The following PDE4D variants were observed in gnomAD, a reference collection of about 807,000 sequenced individuals.
The protein encoded by PDE4D is phosphodiesterase 4D, also known as 3',5'-cyclic-AMP phosphodiesterase 4D.
PDE4D carries 24 observed loss-of-function variants against 87.4 expected under a neutral mutation model. The ratio of observed to expected loss-of-function variants is 0.27; its 90% confidence interval spans 0.20 to 0.39. PDE4D has a LOEUF of 0.39. Ranked by LOEUF, PDE4D falls within the 10% of genes least tolerant of loss-of-function variation. The pLI is 1.00. For synonymous variants in PDE4D, 384 were observed against 383.2 expected, an observed-to-expected ratio of 1.00 and a Z score of -0.02; for missense variants, 714 against 1,041.0, an observed-to-expected ratio of 0.69 and a Z score of 4.32.
intron 6 of PDE4D, among the ~76,000 whole-genome samples, chr5:59,032,020 T>C (rs1161829379): frequency 6.6e-6 from 1 of 151,812 alleles, no homozygotes; most frequent in African/African-American, 2.4e-5. Context: ...TAGTGATCTA[T>C]TGCACTGCAT....
intron 1 of PDE4D, among the ~76,000 whole-genome samples, chr5:60,437,388 G>A (rs1476869580): frequency 6.6e-6 from 1 of 152,092 alleles, no homozygotes; most frequent in Non-Finnish European, 1.5e-5. Flanking sequence ...AATATATAAT[G>A]TACTGAGCAA....
intron 2 of PDE4D, among the ~76,000 whole-genome samples, chr5:60,104,586 C>T (rs940604255): frequency 3.3e-5 from 5 of 152,222 alleles, no homozygotes; most frequent in African/African-American, 4.8e-5. Flanking sequence ...CCCTGACCCC[C>T]GAGCAGCCTA....
At chr5:60,200,677 TG>T (rs1245833069) in intron 1 of PDE4D, among the ~76,000 whole-genome samples, 3 of 152,134 alleles carry the variant, frequency 2.0e-5, no homozygotes, top group African/African-American at 7.2e-5. Flanking sequence ...TCACTCTCCT[TG>T]CTCCCAAATT....
intron 1 of PDE4D, among the ~76,000 whole-genome samples, chr5:60,421,802 G>A (rs879897703): frequency 2.6e-5 from 4 of 152,144 alleles, no homozygotes; most frequent in Non-Finnish European, 5.9e-5. Flanking sequence ...TTTAAAAAAT[G>A]TTGGACGAAT....
intron 2 of PDE4D, among the ~76,000 whole-genome samples, chr5:59,200,903 C>T (rs550393988): frequency 3.3e-5 from 5 of 152,008 alleles, no homozygotes; most frequent in Admixed American, 6.5e-5. Flanking sequence ...TACATACTTC[C>T]TTATAGAATT....
chr5:59,079,798 T>C (rs1409596765), intron 5 of PDE4D, among the ~76,000 whole-genome samples: 2 of 147,232 alleles, frequency 1.4e-5, no homozygotes, highest in East Asian at 4.0e-4. Context: ...TATGATTGCA[T>C]TACACTCTAC....
At chr5:59,705,101 T>C (rs1045640108) in intron 1 of PDE4D, among the ~76,000 whole-genome samples, 3 of 152,172 alleles carry the variant, frequency 2.0e-5, no homozygotes, top group Non-Finnish European at 4.4e-5. Context: ...TGGCTGTATA[T>C]TGAACACAGC....
intron 1 of PDE4D, among the ~76,000 whole-genome samples, chr5:59,796,672 T>C (rs542688844): frequency 6.6e-6 from 1 of 152,376 alleles, no homozygotes; most frequent in African/African-American, 2.4e-5. Flanking sequence ...GTTAAGAACA[T>C]ATGTACTTGT....
intron 1 of PDE4D, among the ~76,000 whole-genome samples, chr5:59,704,649 T>C (rs1753117207): frequency 1.3e-5 from 2 of 152,344 alleles, no homozygotes; most frequent in Non-Finnish European, 2.9e-5. Context: ...TGAGATTAAC[T>C]GGTATTTTCT....
intron 1 of PDE4D, among the ~76,000 whole-genome samples, chr5:59,854,138 T>C (rs774905890): frequency 3.9e-5 from 6 of 152,124 alleles, no homozygotes; most frequent in Non-Finnish European, 8.8e-5. Flanking sequence ...TTAACCAAGA[T>C]GAAAGCAGAT....
At chr5:60,050,777 T>C (rs1770035247) in intron 2 of PDE4D, among the ~76,000 whole-genome samples, 1 of 152,180 alleles carries the variant, frequency 6.6e-6, no homozygotes, top group Admixed American at 6.5e-5. Flanking sequence ...TGTTGTGCTG[T>C]ATTCAGGAGA....
chr5:59,646,575 T>G (rs1258289482), intron 1 of PDE4D, among the ~76,000 whole-genome samples: 3 of 152,218 alleles, frequency 2.0e-5, no homozygotes, highest in Non-Finnish European at 4.4e-5. Flanking sequence ...ATATGCATAG[T>G]TCTCCAGAAA....
intron 1 of PDE4D, among the ~76,000 whole-genome samples, chr5:60,219,388 T>C (rs1280798584): frequency 6.6e-6 from 1 of 152,172 alleles, no homozygotes. Flanking sequence ...GTAGCTCTTG[T>C]TGAACATAAC....
intron 1 of PDE4D, among the ~76,000 whole-genome samples, chr5:59,400,628 A>G (rs1260419311): frequency 1.3e-5 from 2 of 150,686 alleles, no homozygotes; most frequent in Non-Finnish European, 3.0e-5. Flanking sequence ...GATATACTTA[A>G]TGCTAGATGA....
At chr5:59,326,113 G>A (rs565458625) in intron 1 of PDE4D, among the ~76,000 whole-genome samples, 1 of 152,158 alleles carries the variant, frequency 6.6e-6, no homozygotes, top group Admixed American at 6.6e-5. Context: ...ACCGGGGACT[G>A]TTGTGGGGTG....
chr5:59,228,955 C>T (rs1303627880), intron 1 of PDE4D, among the ~76,000 whole-genome samples: 1 of 151,990 alleles, frequency 6.6e-6, no homozygotes, highest in Admixed American at 6.6e-5. Flanking sequence ...GAGATATTCC[C>T]ATACTGGCCT....
intron 1 of PDE4D, among the ~76,000 whole-genome samples, chr5:60,281,185 G>A (rs1751864303): frequency 6.6e-6 from 1 of 151,866 alleles, no homozygotes; most frequent in African/African-American, 2.4e-5. Context: ...ACAAGGTCAG[G>A]GGAGCTAAGT....
intron 2 of PDE4D, among the ~76,000 whole-genome samples, chr5:60,048,505 A>G (rs1769621468): frequency 2.6e-5 from 4 of 151,704 alleles, no homozygotes; most frequent in Admixed American, 2.0e-4. Flanking sequence ...GGCTGGTACC[A>G]TTTGTTCCTC....
chr5:59,883,088 C>T (rs771594296), intron 1 of PDE4D, among the ~76,000 whole-genome samples: 1 of 152,282 alleles, frequency 6.6e-6, no homozygotes. Context: ...CTCTCTTATT[C>T]CTTTGGTTCC....
Sources: allele counts gnomAD v4.1 joint callset (sites outside exome capture counted in the v4.1 genomes callset), GRCh38; gene constraint gnomAD v4.1.1; transcripts MANE v1.5; gene names NCBI Gene and HGNC (gene_info 2026-07-23, HGNC 2026-07-21).